CACNA1C: variants seen among roughly 807,000 people sequenced by gnomAD.
CACNA1C encodes the protein voltage-dependent L-type calcium channel subunit alpha-1C.
Under a neutral mutation model 229.0 loss-of-function variants are expected in CACNA1C, and 30 were observed. The observed-to-expected ratio is 0.13, with a 90% confidence interval of 0.10 to 0.18. The LOEUF (loss-of-function observed/expected upper bound fraction) is 0.18, where lower values mean the gene tolerates loss of function less well. Among genes scored for constraint, CACNA1C ranks in the 10% least tolerant of loss-of-function variants. CACNA1C has a pLI of 1.00. For synonymous variants in CACNA1C, 1,114 were observed against 1,132.5 expected, an observed-to-expected ratio of 0.98 and a Z score of 0.33; for missense variants, 1,658 against 2,845.0, an observed-to-expected ratio of 0.58 and a Z score of 9.49.
intron 3 of CACNA1C, among the ~76,000 whole-genome samples, chr12:2,133,843 T>A (rs1374679924): frequency 7.8e-5 from 5 of 63,724 alleles, no homozygotes; most frequent in African/African-American, 2.8e-4. Context: ...AGAGCTGAGT[T>A]CAATTCCTGG....
At chr12:2,685,017 T>G (rs1397335387) in intron 43 of CACNA1C, among the ~76,000 whole-genome samples, 2 of 152,106 alleles carry the variant, frequency 1.3e-5, no homozygotes, top group African/African-American at 4.8e-5. Flanking sequence ...CAGCAGAGAT[T>G]GTGAATCAAA....
rs1195614145 is a variant in CACNA1C at position 2,486,098 on chromosome 12, C to T, written c.758-6C>T. The T allele has an allele frequency of 6.3e-7, 1 of 1,595,980 alleles. No homozygotes were observed. Among genetic ancestry groups the T allele is most frequent in the Non-Finnish European group, 8.5e-7 (1 of 1,170,042 alleles). ...CTTGGTTCAGTGAGTGGCTCTGTCCCCGCAGGTCTCCAGGTGGTCCTGAAT... is the reference window on the plus strand; with the variant it reads ...CTTGGTTCAGTGAGTGGCTCTGTCCTCGCAGGTCTCCAGGTGGTCCTGAAT... On this transcript the variant is annotated splice_polypyrimidine_tract_variant and splice_region_variant and intron_variant, in intron 5 of 46. Coordinates refer to ENST00000399655, the MANE Select transcript of CACNA1C (RefSeq NM_000719.7). This position sits in a 1 kb window ranked among gnomAD's most constrained non-coding sequence, Gnocchi z 4.9.
chr12:2,221,835 C>T (rs1488735855), intron 3 of CACNA1C: 1 of 152,136 alleles, frequency 6.6e-6, no homozygotes, highest in Non-Finnish European at 1.5e-5. Context: ...AGGATGCGTC[C>T]ATATGATGGA....
At chr12:2,177,873 G>T (rs1483292332) in intron 3 of CACNA1C, among the ~76,000 whole-genome samples, 1 of 152,022 alleles carries the variant, frequency 6.6e-6, no homozygotes, top group Non-Finnish European at 1.5e-5. Context: ...CTGACCTCGG[G>T]TGATCCATCC....
intron 1 of CACNA1C, among the ~76,000 whole-genome samples, chr12:1,990,518 A>G (rs1399961225): frequency 6.6e-6 from 1 of 152,156 alleles, no homozygotes; most frequent in Admixed American, 6.5e-5. Context: ...GCTCTTCTAC[A>G]TTCATCCAAT....
At chr12:2,274,150 G>C (rs2086576452) in intron 3 of CACNA1C, among the ~76,000 whole-genome samples, 1 of 152,216 alleles carries the variant, frequency 6.6e-6, no homozygotes, top group Non-Finnish European at 1.5e-5. Flanking sequence ...CTCGTTTATG[G>C]CAGCAAGTCC....
chr12:2,089,221 TC>T (rs1226040084), intron 1 of CACNA1C, among the ~76,000 whole-genome samples: 5 of 152,184 alleles, frequency 3.3e-5, no homozygotes, highest in African/African-American at 1.2e-4. Context: ...CTGGGCTTCT[TC>T]CGTAAGCCCT....
At chr12:2,532,239 T>G (rs1167362679) in intron 9 of CACNA1C, among the ~76,000 whole-genome samples, 1 of 152,190 alleles carries the variant, frequency 6.6e-6, no homozygotes, top group African/African-American at 2.4e-5. Flanking sequence ...ACCATGTTCC[T>G]TCTCAACCAA....
intron 3 of CACNA1C, among the ~76,000 whole-genome samples, chr12:2,374,383 C>T (rs2097966127): frequency 6.6e-6 from 1 of 152,240 alleles, no homozygotes; most frequent in South Asian, 2.1e-4. Flanking sequence ...ATTGGGGCCT[C>T]CCTAAGCCCT....
intron 3 of CACNA1C, among the ~76,000 whole-genome samples, chr12:2,392,710 G>A (rs2098506509): frequency 6.6e-6 from 1 of 152,184 alleles, no homozygotes; most frequent in Admixed American, 6.5e-5. Flanking sequence ...TTGGGCTGGA[G>A]GAATGTTGCT....
At chr12:1,998,124 A>G (rs2041369724) in intron 1 of CACNA1C, 1 of 606,030 alleles carries the variant, frequency 1.7e-6, no homozygotes. Flanking sequence ...AAAAGGAGAA[A>G]GCAAGTTCTA....
At position 2,695,033 on chromosome 12, in the gene CACNA1C, A is replaced by G. The variant is rs1244900089; in HGVS notation, c.*3834A>G. The G allele has an allele frequency of 6.6e-6, 1 of 152,224 alleles. No homozygotes were observed. The highest frequency in any genetic ancestry group is 1.9e-4 in the East Asian group (1 of 5,198). 9.4% of individuals were successfully genotyped at this position (152,224 alleles called of 1,614,324 possible). A position where few individuals can be genotyped will look rare whatever the true frequency, so the allele number is the denominator to read the frequency against. On this transcript the variant is annotated 3_prime_UTR_variant, in exon 47 of 47. Coordinates refer to ENST00000399655, the MANE Select transcript of CACNA1C (RefSeq NM_000719.7). ...TCAAGGATTAGAAACAATTCAGCAA[A>G]GAGGCCACAAAAAGGGCCTGCTGAC...
intron 29 of CACNA1C, chr12:2,614,576 G>A (rs1454587247): frequency 6.6e-6 from 1 of 152,234 alleles, no homozygotes; most frequent in Non-Finnish European, 1.5e-5. Flanking sequence ...AAGAACCAGT[G>A]GCTTCTAACC....
intron 1 of CACNA1C, among the ~76,000 whole-genome samples, chr12:2,019,700 A>G (rs2046100260): frequency 6.6e-6 from 1 of 152,238 alleles, no homozygotes; most frequent in Non-Finnish European, 1.5e-5. Flanking sequence ...AACTATAGCA[A>G]TCATTTGATT....
chr12:2,050,921 A>G (rs893163430), upstream of CACNA1C, among the ~76,000 whole-genome samples: 3 of 152,216 alleles, frequency 2.0e-5, no homozygotes, highest in African/African-American at 7.2e-5. Flanking sequence ...TTCAATACAT[A>G]TTATGTACTT....
At chr12:1,984,110 A>G (rs1004689930) in intron 1 of CACNA1C, among the ~76,000 whole-genome samples, 4 of 151,962 alleles carry the variant, frequency 2.6e-5, no homozygotes, top group African/African-American at 9.7e-5. Context: ...CCTTTAACCT[A>G]TCTATATTGT....
At chr12:2,456,346 C>G (rs967657026) in intron 4 of CACNA1C, among the ~76,000 whole-genome samples, 1 of 152,244 alleles carries the variant, frequency 6.6e-6, no homozygotes, top group Non-Finnish European at 1.5e-5. Context: ...GCCTCGCCCC[C>G]GACAGGGGAG....
chr12:2,359,030 A>G (rs2097477868), intron 3 of CACNA1C, among the ~76,000 whole-genome samples: 1 of 151,256 alleles, frequency 6.6e-6, no homozygotes, highest in Non-Finnish European at 1.5e-5. Context: ...TTCTCCTTCC[A>G]CCTCTCCTGG....
intron 1 of CACNA1C, among the ~76,000 whole-genome samples, chr12:1,983,657 G>A (rs546396173): frequency 4.0e-5 from 6 of 151,836 alleles, no homozygotes; most frequent in Non-Finnish European, 8.8e-5. Context: ...GTTTATCTTG[G>A]GGAATGTTTC....
Sources: allele counts gnomAD v4.1 joint callset (sites outside exome capture counted in the v4.1 genomes callset), GRCh38; gene constraint gnomAD v4.1.1; non-coding constraint Gnocchi (gnomAD v3.1); transcripts MANE v1.5; gene names NCBI Gene and HGNC (gene_info 2026-07-23, HGNC 2026-07-21).